Variants in KCNIP4 observed in about 807,000 individuals in gnomAD.
KCNIP4 encodes Kv channel-interacting protein 4.
KCNIP4 carries 12 observed loss-of-function variants against 34.0 expected under a neutral mutation model. That is an observed-to-expected ratio of 0.35 (90% CI 0.23 to 0.57). KCNIP4 has a LOEUF of 0.57. KCNIP4 is among the 20% of genes least tolerant of loss of function. KCNIP4 has a pLI of 0.83. For synonymous variants in KCNIP4, 124 were observed against 102.2 expected, an observed-to-expected ratio of 1.21 and a Z score of -1.29; for missense variants, 238 against 311.7, an observed-to-expected ratio of 0.76 and a Z score of 1.78.
chr4:21,373,504 T>G (rs2109448198), intron 1 of KCNIP4, among the ~76,000 whole-genome samples: 1 of 147,118 alleles, frequency 6.8e-6, no homozygotes, highest in African/African-American at 2.7e-5. Context: ...TTCTTTTCTT[T>G]TGGTAATAGC....
chr4:21,725,414 T>C (rs968310839), intron 1 of KCNIP4, among the ~76,000 whole-genome samples: 31 of 152,028 alleles, frequency 2.0e-4, no homozygotes, highest in African/African-American at 7.5e-4. Context: ...AGGAAACCCA[T>C]TGGTTACAAA....
chr4:21,658,600 A>ACCTGTTGG (rs1560600544), intron 1 of KCNIP4, among the ~76,000 whole-genome samples: 1 of 152,026 alleles, frequency 6.6e-6, no homozygotes, highest in East Asian at 1.9e-4. Flanking sequence ...ACGGGGTTTC[A>ACCTGTTGG]CCATGTTGGC....
intron 1 of KCNIP4, among the ~76,000 whole-genome samples, chr4:21,591,075 A>C (rs1742178716): frequency 6.6e-6 from 1 of 152,050 alleles, no homozygotes; most frequent in Non-Finnish European, 1.5e-5. Flanking sequence ...AGCTAAAAAA[A>C]ATTGACAATA....
At chr4:20,942,923 C>A (rs1281266316) in intron 1 of KCNIP4, among the ~76,000 whole-genome samples, 1 of 152,104 alleles carries the variant, frequency 6.6e-6, no homozygotes, top group East Asian at 1.9e-4. Context: ...CCACCTGCCT[C>A]GGCCTCTCAA....
chr4:20,861,179 C>G (rs1244966246), intron 2 of KCNIP4, among the ~76,000 whole-genome samples: 2 of 152,176 alleles, frequency 1.3e-5, no homozygotes, highest in African/African-American at 4.8e-5. Context: ...CCTGTTATAT[C>G]ATTTGACCTC....
intron 1 of KCNIP4, among the ~76,000 whole-genome samples, chr4:21,192,157 C>T (rs1244826316): frequency 6.6e-6 from 1 of 152,114 alleles, no homozygotes; most frequent in Non-Finnish European, 1.5e-5. Context: ...TCATGTATTC[C>T]ACCAGCAGGT....
At position 21,396,278 on chromosome 4, in the gene KCNIP4, G is replaced by A. The variant is rs139741763; in HGVS notation, c.62-513569C>T. ...TTCTTAAAAATGAGGATCCTGGGCC[G>A]GGTGTGGTGGCTCACGCCTGTAATC... On this transcript the variant is annotated intron_variant, in intron 1 of 8. Coordinates refer to ENST00000382152, the MANE Select transcript of KCNIP4 (RefSeq NM_025221.6). Among the ~76,000 whole-genome samples, 571 of 151,858 alleles carry A rather than the reference G, an allele frequency of 3.8e-3. 4 individuals carry two copies. The highest frequency in any genetic ancestry group is 0.013 in the African/African-American group (544 of 41,478).
chr4:21,585,434 T>A lies in KCNIP4; in HGVS notation c.61+363137A>T, dbSNP rs1482419341. 9.2e-5 allele frequency among the ~76,000 whole-genome samples: 14 copies of A among 152,234 alleles called. No individual in the cohort carries two copies. The South Asian group carries it at 2.9e-3, about 32-fold the overall frequency. On this transcript the variant is annotated intron_variant, in intron 1 of 8. Transcript: ENST00000382152. ...CAAAGTTTATCATCAAGACTTAAATTACTTTTATAAAATAAAATAAATACT... is the reference window on the plus strand; with the variant it reads ...CAAAGTTTATCATCAAGACTTAAATAACTTTTATAAAATAAAATAAATACT...
intron 7 of KCNIP4, 64 bp downstream of exon 7, chr4:20,732,617 A>C: frequency 1.0e-6 from 1 of 986,640 alleles, no homozygotes; most frequent in East Asian, 2.4e-5. Context: ...ATCGTGGTGC[A>C]TGGCAAACAT....
chr4:20,978,430 C>T (rs891325507), intron 1 of KCNIP4, among the ~76,000 whole-genome samples: 8 of 152,104 alleles, frequency 5.3e-5, no homozygotes, highest in African/African-American at 1.9e-4. Flanking sequence ...TTCTATTTAC[C>T]AAGCACTGTG....
chr4:21,096,958 C>G (rs1747510125), intron 1 of KCNIP4, among the ~76,000 whole-genome samples: 1 of 151,970 alleles, frequency 6.6e-6, no homozygotes, highest in Non-Finnish European at 1.5e-5. Flanking sequence ...GACAATGGGA[C>G]AAAGTTTCAG....
intron 1 of KCNIP4, among the ~76,000 whole-genome samples, chr4:21,185,761 A>T (rs1755174770): frequency 6.6e-6 from 1 of 152,146 alleles, no homozygotes; most frequent in African/African-American, 2.4e-5. Flanking sequence ...ATTTGATAGG[A>T]TTTTAACTGT....
rs116398858 is a variant in KCNIP4, at chr4:21,439,354, G to C, written c.61+509217C>G. ...TTAGTAAACGCCCTCCCAACTTCTAGTGGAATCTTAAACAGAGTTAAGTCT... is the reference window on the plus strand; with the variant it reads ...TTAGTAAACGCCCTCCCAACTTCTACTGGAATCTTAAACAGAGTTAAGTCT... On this transcript the variant is annotated intron_variant, in intron 1 of 8. Coordinates refer to ENST00000382152, the MANE Select transcript of KCNIP4 (RefSeq NM_025221.6). Among the ~76,000 whole-genome samples the C allele has an allele frequency of 3.8e-3, 586 of 152,208 alleles. 3 individuals are homozygous for C. The highest frequency in any genetic ancestry group is 0.014 in the African/African-American group (562 of 41,528).
intron 1 of KCNIP4, among the ~76,000 whole-genome samples, chr4:21,928,609 T>A (rs1729397984): frequency 6.6e-6 from 1 of 152,082 alleles, no homozygotes; most frequent in Non-Finnish European, 1.5e-5. Flanking sequence ...GTTCTAATCA[T>A]TCATAAAGCC....
At chr4:20,987,694 T>C (rs1164916265) in intron 1 of KCNIP4, among the ~76,000 whole-genome samples, 1 of 152,146 alleles carries the variant, frequency 6.6e-6, no homozygotes, top group Non-Finnish European at 1.5e-5. Context: ...TGTCAGGCAC[T>C]ACTCTAAAAT....
chr4:20,910,303 A>G (rs976486427), intron 1 of KCNIP4, among the ~76,000 whole-genome samples: 2 of 150,290 alleles, frequency 1.3e-5, no homozygotes, highest in African/African-American at 2.5e-5. Context: ...GTGTGTGTGT[A>G]TCTGTTACTT....
chr4:21,104,321 G>C (rs1296654933), intron 1 of KCNIP4, among the ~76,000 whole-genome samples: 1 of 152,098 alleles, frequency 6.6e-6, no homozygotes, highest in Non-Finnish European at 1.5e-5. Context: ...TTGTGGTTTT[G>C]ATTTGCATTT....
At chr4:21,462,952 A>G (rs531007325) in intron 1 of KCNIP4, among the ~76,000 whole-genome samples, 47 of 151,968 alleles carry the variant, frequency 3.1e-4, no homozygotes, top group African/African-American at 1.0e-3. Context: ...TAACTTGACT[A>G]TTGTGAATAG....
chr4:21,049,897 T>C (rs1742776242), intron 1 of KCNIP4, among the ~76,000 whole-genome samples: 1 of 152,240 alleles, frequency 6.6e-6, no homozygotes, highest in Non-Finnish European at 1.5e-5. Context: ...TCTTTCACTT[T>C]AGCTGTTGTT....
Sources: gnomAD v4.1 joint callset for allele counts (sites outside exome capture counted in the v4.1 genomes callset) on GRCh38, gnomAD v4.1.1 for gene constraint, MANE v1.5 for transcripts, NCBI Gene and HGNC (gene_info 2026-07-23, HGNC 2026-07-21) for gene names.